PAX2: variants seen among roughly 807,000 people sequenced by gnomAD.
PAX2 encodes paired box protein Pax-2.
A neutral mutation model predicts 41.7 loss-of-function variants in PAX2; 9 were observed. The observed-to-expected ratio is 0.22, with a 90% confidence interval of 0.13 to 0.38. PAX2 has a LOEUF of 0.38. Ranked by LOEUF, PAX2 falls within the 10% of genes least tolerant of loss-of-function variation. The pLI, the probability that PAX2 is intolerant of heterozygous loss-of-function variation, is 1.00. For synonymous variants in PAX2, 221 were observed against 212.7 expected, an observed-to-expected ratio of 1.04 and a Z score of -0.34; for missense variants, 418 against 531.6, an observed-to-expected ratio of 0.79 and a Z score of 2.10.
chr10:100,768,506 G>A (rs11592735), intron 3 of PAX2, among the ~76,000 whole-genome samples: 4,582 of 152,326 alleles, frequency 0.03, 94 homozygotes, highest in South Asian at 0.062. Flanking sequence ...ATCAAATACA[G>A]CTATGGCACA....
intron 1 of PAX2, among the ~76,000 whole-genome samples, chr10:100,746,690 G>A (rs760293309): frequency 9.2e-5 from 14 of 152,198 alleles, no homozygotes; most frequent in Non-Finnish European, 1.8e-4. Flanking sequence ...TCAGGGTGTT[G>A]TTTTGTTGTT....
Position 100,801,352 on chromosome 10 carries a change from T to C in PAX2, c.617-5078T>C, listed in dbSNP as rs1161820139. On this transcript the variant is annotated intron_variant, in intron 5 of 9. Transcript: ENST00000355243. ...TAAATGCTAAGCAAATAGGAAACAG[T>C]CAGATAAGAAGACAATATGAGCTTT... is the stretch of plus-strand genomic sequence containing the variant. Among the ~76,000 whole-genome samples, 4 of 152,342 alleles carry C rather than the reference T, an allele frequency of 2.6e-5. No individual in the cohort carries two copies. The East Asian group carries it at 7.7e-4, about 29-fold the overall frequency.
intron 8 of PAX2, among the ~76,000 whole-genome samples, chr10:100,825,320 G>A (rs939931573): frequency 2.6e-5 from 4 of 152,176 alleles, no homozygotes; most frequent in African/African-American, 4.8e-5. Flanking sequence ...CAGTGAGACA[G>A]GCTAGAACAC....
At chr10:100,795,308 T>C (rs1183309549) in intron 5 of PAX2, among the ~76,000 whole-genome samples, 2 of 152,220 alleles carry the variant, frequency 1.3e-5, no homozygotes, top group Non-Finnish European at 2.9e-5. Flanking sequence ...GACACAGTCC[T>C]TGACCTCAAG....
chr10:100,793,280 C>G (rs1325267830), intron 5 of PAX2, among the ~76,000 whole-genome samples: 1 of 152,222 alleles, frequency 6.6e-6, no homozygotes, highest in African/African-American at 2.4e-5. Flanking sequence ...GGACTGCATA[C>G]CAGTGCTCCC....
Position 100,748,231 on chromosome 10 carries a change from A to G in PAX2, c.44-1515A>G. ...ATCTGCCCGCAGCTGCCGCCTTTTC[A>G]TACCGGTAACGCGAGTTCTCCCGGG... is the stretch of plus-strand genomic sequence containing the variant. On this transcript the variant is annotated intron_variant, in intron 1 of 9. Transcript: ENST00000355243. The surrounding 1 kb of genome is among the most constrained non-coding windows in gnomAD (Gnocchi z 5.0). 1.0e-6 allele frequency: 1 copy of G among 984,952 alleles called. No individual in the cohort carries two copies. Among genetic ancestry groups the G allele is most frequent in the Non-Finnish European group, 1.2e-6 (1 of 829,864 alleles). 61.0% of individuals were successfully genotyped at this position (984,952 alleles called of 1,614,324 possible).
chr10:100,801,487 C>T (rs979543764), intron 5 of PAX2, among the ~76,000 whole-genome samples: 22 of 152,214 alleles, frequency 1.4e-4, no homozygotes, highest in African/African-American at 5.3e-4. Context: ...TAGTAGCTCA[C>T]CCCCTTGAGA....
At chr10:100,781,643 C>A (rs1329437663) in intron 5 of PAX2, among the ~76,000 whole-genome samples, 2 of 152,160 alleles carry the variant, frequency 1.3e-5, no homozygotes, top group Non-Finnish European at 2.9e-5. Context: ...GAAGCAAGAA[C>A]CGTTTACCTT....
upstream of PAX2, among the ~76,000 whole-genome samples, chr10:100,742,737 C>T (rs1845005578): frequency 6.7e-6 from 1 of 150,312 alleles, no homozygotes; most frequent in East Asian, 2.0e-4. Context: ...CATTTAGAGG[C>T]GGACGGGAAA....
chr10:100,823,693 G>A (rs944302351), intron 7 of PAX2, among the ~76,000 whole-genome samples: 1 of 152,118 alleles, frequency 6.6e-6, no homozygotes, highest in African/African-American at 2.4e-5. Flanking sequence ...AAGAGATTAT[G>A]GCAGAGGGGA....
rs1847128928 is a variant in PAX2 at position 100,791,740 on chromosome 10, G to A, written c.616+10375G>A. ...GGGATGGGGACAGTAGGTTTGGTAG[G>A]AGTGACTCCAGGAGCCGTTCTTTCC... On this transcript the variant is annotated intron_variant, in intron 5 of 9. Transcript: ENST00000355243. This position sits in a 1 kb window ranked among gnomAD's most constrained non-coding sequence, Gnocchi z 4.5. Among the ~76,000 whole-genome samples, 1 of 152,166 alleles carries A rather than the reference G, an allele frequency of 6.6e-6. No individual in the cohort carries two copies. The highest frequency in any genetic ancestry group is 1.5e-5 in the Non-Finnish European group (1 of 68,016).
At chr10:100,743,379 T>C (rs1845035536), upstream of PAX2, among the ~76,000 whole-genome samples, 1 of 152,126 alleles carries the variant, frequency 6.6e-6, no homozygotes, top group Non-Finnish European at 1.5e-5. Flanking sequence ...ACTTGTAACA[T>C]AGGGACATGT....
At chr10:100,753,166 G>T (rs1453185348) in intron 3 of PAX2, among the ~76,000 whole-genome samples, 2 of 152,232 alleles carry the variant, frequency 1.3e-5, no homozygotes, top group African/African-American at 4.8e-5. Flanking sequence ...AGCCTACCCT[G>T]GGTCCGTAGT....
chr10:100,822,925 G>A (rs777192028), intron 7 of PAX2, among the ~76,000 whole-genome samples: 5 of 152,188 alleles, frequency 3.3e-5, no homozygotes, highest in Non-Finnish European at 7.4e-5. Flanking sequence ...TACAAGGGAA[G>A]TGGTGTGATG....
At chr10:100,744,951 G>A (rs530485154), upstream of PAX2, among the ~76,000 whole-genome samples, 10 of 152,312 alleles carry the variant, frequency 6.6e-5, no homozygotes, top group East Asian at 1.7e-3. Context: ...TGGGGGGTGC[G>A]TGGGTGGGAA....
At chr10:100,752,957 G>A (rs1845495156) in intron 3 of PAX2, among the ~76,000 whole-genome samples, 1 of 152,250 alleles carries the variant, frequency 6.6e-6, no homozygotes, top group Non-Finnish European at 1.5e-5. Context: ...TGAGCCACAA[G>A]TGAGATGAGG....
intron 5 of PAX2, among the ~76,000 whole-genome samples, chr10:100,789,369 G>C (rs1847008999): frequency 6.6e-6 from 1 of 152,186 alleles, no homozygotes; most frequent in South Asian, 2.1e-4. Flanking sequence ...GCCTCCCAAA[G>C]TGCTGGGATT....
chr10:100,737,453 T>G (rs375194933), intron 1 of PAX2, among the ~76,000 whole-genome samples: 4 of 152,246 alleles, frequency 2.6e-5, no homozygotes, highest in African/African-American at 9.6e-5. Context: ...GCGGCCCGAC[T>G]CCGCACCGCA....
chr10:100,748,354 G>T lies in PAX2; in HGVS notation c.44-1392G>T. ...CGGGGTGGGCAAGGGGGTAAAAGAAGGGGCTTCAGTCTCTCCCAGCAACGC... is the reference window on the plus strand; with the variant it reads ...CGGGGTGGGCAAGGGGGTAAAAGAATGGGCTTCAGTCTCTCCCAGCAACGC... On this transcript the variant is annotated intron_variant, in intron 1 of 9. Transcript: ENST00000355243. This position sits in a 1 kb window ranked among gnomAD's most constrained non-coding sequence, Gnocchi z 5.0. 1 of 984,638 alleles carries T rather than the reference G, an allele frequency of 1.0e-6. No homozygotes were observed. The highest frequency in any genetic ancestry group is 4.7e-5 in the South Asian group (1 of 21,244). The allele number at this position is 984,638 out of a possible 1,614,324, so 61.0% of individuals were successfully genotyped here.
Sources: allele counts gnomAD v4.1 joint callset (sites outside exome capture counted in the v4.1 genomes callset), GRCh38; gene constraint gnomAD v4.1.1; non-coding constraint Gnocchi (gnomAD v3.1); transcripts MANE v1.5; gene names NCBI Gene and HGNC (gene_info 2026-07-23, HGNC 2026-07-21).